SGCZ: variants seen among roughly 807,000 people sequenced by gnomAD.
SGCZ encodes the protein sarcoglycan zeta, also known as zeta-sarcoglycan.
A neutral mutation model predicts 41.3 loss-of-function variants in SGCZ; 40 were observed. That is an observed-to-expected ratio of 0.97 (90% confidence interval 0.75 to 1.26). The LOEUF (loss-of-function observed/expected upper bound fraction) is 1.26. Ranked by LOEUF, SGCZ falls within the 50% of genes most tolerant of loss-of-function variation. The pLI is 0.00. For missense variants in SGCZ, 552 were observed against 369.8 expected, an observed-to-expected ratio of 1.49 and a Z score of -4.04; for synonymous variants, 206 against 137.5, an observed-to-expected ratio of 1.50 and a Z score of -3.49.
chr8:15,199,183 G>A (rs372142211), intron 1 of SGCZ, among the ~76,000 whole-genome samples: 12 of 152,050 alleles, frequency 7.9e-5, no homozygotes, highest in African/African-American at 1.9e-4. Flanking sequence ...ATTTTCATTC[G>A]TTCTTTCATT....
chr8:14,801,997 C>A (rs1416415980), intron 1 of SGCZ, among the ~76,000 whole-genome samples: 1 of 152,048 alleles, frequency 6.6e-6, no homozygotes, highest in African/African-American at 2.4e-5. Flanking sequence ...GGCAGGAGCA[C>A]TTTTAAAATA....
chr8:14,306,699 A>T (rs1444262403), intron 3 of SGCZ, among the ~76,000 whole-genome samples: 1 of 152,154 alleles, frequency 6.6e-6, no homozygotes, highest in African/African-American at 2.4e-5. Flanking sequence ...AGAAAAAATA[A>T]GTGTCATTGT....
In SGCZ at chr8:14,892,007, T is replaced by C. The variant is rs75928747; in HGVS notation, c.40-337081A>G. Among the ~76,000 whole-genome samples, 124 of 152,392 alleles carry C rather than the reference T, an allele frequency of 8.1e-4. 1 individual carries two copies. In the East Asian group the frequency reaches 0.021, roughly 26 times the overall value. ...ATGCAAACGTAACTTTTACATGCACTGGGCAACCAACAAATTCGGGTGACT... is the reference window on the plus strand; with the variant it reads ...ATGCAAACGTAACTTTTACATGCACCGGGCAACCAACAAATTCGGGTGACT... On this transcript the variant is annotated intron_variant, in intron 1 of 7. Coordinates refer to ENST00000382080, the MANE Select transcript of SGCZ (RefSeq NM_139167.4).
At chr8:14,792,971 G>A (rs946728802) in intron 1 of SGCZ, among the ~76,000 whole-genome samples, 5 of 152,086 alleles carry the variant, frequency 3.3e-5, no homozygotes, top group African/African-American at 1.2e-4. Context: ...TCTCAGTCTT[G>A]AACTTCTGAC....
chr8:14,619,641 C>A (rs1221254163), intron 1 of SGCZ, among the ~76,000 whole-genome samples: 1 of 152,066 alleles, frequency 6.6e-6, no homozygotes, highest in East Asian at 1.9e-4. Context: ...TTCTTATACA[C>A]CAAGAGCAGA....
intron 1 of SGCZ, among the ~76,000 whole-genome samples, chr8:14,684,487 G>C (rs893472293): frequency 4.6e-5 from 7 of 152,166 alleles, no homozygotes; most frequent in African/African-American, 1.7e-4. Context: ...ACATTGTAGT[G>C]AGTTGGCTCG....
At chr8:14,092,483 C>A (rs1401456174) in intron 7 of SGCZ, among the ~76,000 whole-genome samples, 3 of 151,910 alleles carry the variant, frequency 2.0e-5, no homozygotes, top group Admixed American at 2.0e-4. Context: ...TACTAAGTAG[C>A]TGATATGGTT....
chr8:14,560,880 G>C (rs1804188225), intron 1 of SGCZ, among the ~76,000 whole-genome samples: 1 of 151,554 alleles, frequency 6.6e-6, no homozygotes, highest in Non-Finnish European at 1.5e-5. Context: ...ACAAAAAAAA[G>C]TTATGAAATT....
At chr8:14,325,443 TATCTCC>T (rs1802058382) in intron 2 of SGCZ, among the ~76,000 whole-genome samples, 1 of 149,612 alleles carries the variant, frequency 6.7e-6, no homozygotes, top group East Asian at 1.9e-4. Flanking sequence ...TCTAACATTA[TATCTCC>T]ATTGTAAAAT....
In SGCZ at chr8:14,520,395, T is replaced by C. The variant is rs1802753288; in HGVS notation, c.234+34337A>G. On this transcript the variant is annotated intron_variant, in intron 2 of 7. Coordinates refer to ENST00000382080, the MANE Select transcript of SGCZ (RefSeq NM_139167.4). ...TAAAACTTGGGCATGTTATAATCTG[T>C]GGCAACTGAAACAGTTAATAACATT... Among the ~76,000 whole-genome samples the C allele has an allele frequency of 2.0e-5, 3 of 152,102 alleles. No individual in the cohort carries two copies. The South Asian group carries it at 6.2e-4, about 32-fold the overall frequency.
At chr8:14,135,365 A>G (rs1384733019) in intron 5 of SGCZ, among the ~76,000 whole-genome samples, 1 of 152,238 alleles carries the variant, frequency 6.6e-6, no homozygotes, top group African/African-American at 2.4e-5. Flanking sequence ...GGAAGAAAGC[A>G]GAAATATCAT....
chr8:14,318,201 G>T (rs1344584595), intron 3 of SGCZ, among the ~76,000 whole-genome samples: 1 of 151,708 alleles, frequency 6.6e-6, no homozygotes, highest in African/African-American at 2.4e-5. Context: ...AGGAAAGGCG[G>T]GAAAGGGGGG....
At chr8:14,494,309 A>G (rs1276323779) in intron 2 of SGCZ, among the ~76,000 whole-genome samples, 1 of 152,118 alleles carries the variant, frequency 6.6e-6, no homozygotes, top group Non-Finnish European at 1.5e-5. Context: ...AATAGGGAGC[A>G]CTTGTGTAAG....
At chr8:15,124,419 G>A (rs537216027) in intron 1 of SGCZ, among the ~76,000 whole-genome samples, 7 of 152,134 alleles carry the variant, frequency 4.6e-5, no homozygotes, top group African/African-American at 9.7e-5. Context: ...TGATGATGGG[G>A]CAAAACTCTG....
At chr8:14,799,631 A>G (rs2033005612) in intron 1 of SGCZ, among the ~76,000 whole-genome samples, 1 of 152,192 alleles carries the variant, frequency 6.6e-6, no homozygotes, top group African/African-American at 2.4e-5. Flanking sequence ...TTGCAAGTCC[A>G]CAGGACTTCA....
chr8:14,904,648 A>G (rs978355289), intron 1 of SGCZ, among the ~76,000 whole-genome samples: 2 of 152,040 alleles, frequency 1.3e-5, no homozygotes, highest in Non-Finnish European at 2.9e-5. Context: ...TGAGGGTTTT[A>G]GTGAAAGAGA....
intron 2 of SGCZ, among the ~76,000 whole-genome samples, chr8:14,428,306 TATC>T: frequency 6.6e-6 from 1 of 152,184 alleles, no homozygotes; most frequent in African/African-American, 2.4e-5. Context: ...TATGCATTTT[TATC>T]ATCACTCTAA....
chr8:15,007,795 TAGC>T (rs1479272842), intron 1 of SGCZ, among the ~76,000 whole-genome samples: 1 of 152,212 alleles, frequency 6.6e-6, no homozygotes, highest in Non-Finnish European at 1.5e-5. Context: ...GTAAAATAGA[TAGC>T]AGCATTTATT....
chr8:14,498,453 T>C (rs1205456085), intron 2 of SGCZ, among the ~76,000 whole-genome samples: 1 of 152,134 alleles, frequency 6.6e-6, no homozygotes, highest in Non-Finnish European at 1.5e-5. Flanking sequence ...TCTAGGAATC[T>C]ATATTGACAA....
Sources: allele counts gnomAD v4.1 joint callset (sites outside exome capture counted in the v4.1 genomes callset), GRCh38; gene constraint gnomAD v4.1.1; transcripts MANE v1.5; gene names NCBI Gene and HGNC (gene_info 2026-07-23, HGNC 2026-07-21).